OR1J2: variants seen among roughly 807,000 people sequenced by gnomAD.
OR1J2 encodes olfactory receptor 1J2.
For missense variants in OR1J2, 304 were observed against 246.1 expected (o/e 1.24, Z -1.57); for synonymous variants, 142 against 99.7 (o/e 1.42, Z -2.52).
At chr9:122,568,234 T>C in the OR1J2 span, 4 of 1,614,018 alleles carry the variant, frequency 2.5e-6, no homozygotes. Flanking sequence ...TTCATCAGCA[T>C]CTTGGGGACA....
the OR1J2 span, among the ~76,000 whole-genome samples, chr9:122,493,462 C>G: frequency 6.6e-6 from 1 of 152,042 alleles, no homozygotes; most frequent in Non-Finnish European, 1.5e-5. Flanking sequence ...ATTTGTTCAT[C>G]TCCTAGGTTT....
the OR1J2 span, among the ~76,000 whole-genome samples, chr9:122,478,983 C>T: frequency 6.6e-6 from 1 of 152,250 alleles, no homozygotes; most frequent in Non-Finnish European, 1.5e-5. Context: ...CCGCCTCAGC[C>T]TCCCAGAGTG....
chr9:122,451,466 T>C, the OR1J2 span, among the ~76,000 whole-genome samples: 1,457 of 152,262 alleles, frequency 9.6e-3, 11 homozygotes, highest in Non-Finnish European at 0.015. Context: ...ATTACAGGCG[T>C]GAGCCACCAT....
the OR1J2 span, among the ~76,000 whole-genome samples, chr9:122,562,802 A>T: frequency 6.6e-6 from 1 of 152,098 alleles, no homozygotes; most frequent in African/African-American, 2.4e-5. Flanking sequence ...TTTATTTAAC[A>T]TAATGTCGAC....
chr9:122,473,747 G>A, the OR1J2 span, among the ~76,000 whole-genome samples: 1 of 152,114 alleles, frequency 6.6e-6, no homozygotes, highest in African/African-American at 2.4e-5. Flanking sequence ...TGAGTTACCA[G>A]GTGGGCATGG....
chr9:122,536,287 A>G, the OR1J2 span, among the ~76,000 whole-genome samples: 1 of 152,190 alleles, frequency 6.6e-6, no homozygotes, highest in Non-Finnish European at 1.5e-5. Context: ...AAAAACTCAC[A>G]AGCTGCCAAT....
At chr9:122,514,035 A>G (rs1158461594), downstream of OR1J2, among the ~76,000 whole-genome samples, 1 of 152,256 alleles carries the variant, frequency 6.6e-6, no homozygotes, top group African/African-American at 2.4e-5. Flanking sequence ...CATGGTGACA[A>G]TAAATTATCA....
chr9:122,475,929 C>CA, the OR1J2 span: 1 of 152,358 alleles, frequency 6.6e-6, no homozygotes, highest in Non-Finnish European at 1.5e-5. Context: ...GTCTTTGCTA[C>CA]ACTGAGTCAC....
chr9:122,568,082 G>A, the OR1J2 span: 1 of 1,614,086 alleles, frequency 6.2e-7, no homozygotes, highest in Non-Finnish European at 8.5e-7. Context: ...TGGTGACATA[G>A]TGGAAAGGGT....
At chr9:122,477,242 G>T in the OR1J2 span, 9 of 1,614,098 alleles carry the variant, frequency 5.6e-6, no homozygotes, top group Non-Finnish European at 6.8e-6. Context: ...TTGGTAGAGG[G>T]AATCTGGAGG....
chr9:122,554,183 G>A, the OR1J2 span: 2 of 1,567,624 alleles, frequency 1.3e-6, no homozygotes, highest in Middle Eastern at 1.7e-4. Flanking sequence ...AGACGGTGAT[G>A]TCTAATCTTG....
At chr9:122,466,839 A>G in the OR1J2 span, among the ~76,000 whole-genome samples, 2 of 150,404 alleles carry the variant, frequency 1.3e-5, no homozygotes, top group Non-Finnish European at 3.0e-5. Context: ...TTGGCGGGGG[A>G]CAGAGTTTCT....
At chr9:122,521,961 A>C in the OR1J2 span, among the ~76,000 whole-genome samples, 1 of 152,210 alleles carries the variant, frequency 6.6e-6, no homozygotes, top group African/African-American at 2.4e-5. Context: ...TTTCATCACT[A>C]TCTGTCTTAC....
chr9:122,516,159 T>G (rs1828697621), downstream of OR1J2, among the ~76,000 whole-genome samples: 1 of 152,154 alleles, frequency 6.6e-6, no homozygotes, highest in Non-Finnish European at 1.5e-5. Context: ...GAATCCCTTC[T>G]GTCTGACTTC....
chr9:122,563,221 C>T, the OR1J2 span, among the ~76,000 whole-genome samples: 4 of 151,110 alleles, frequency 2.6e-5, no homozygotes, highest in African/African-American at 9.7e-5. Context: ...GCCATTCTAA[C>T]TGGGATGAGG....
downstream of OR1J2, among the ~76,000 whole-genome samples, chr9:122,512,546 CAA>C (rs1828652987): frequency 6.6e-6 from 1 of 152,144 alleles, no homozygotes; most frequent in South Asian, 2.1e-4. Flanking sequence ...TGGGATGAAA[CAA>C]GAGACACCTT....
chr9:122,519,422 T>C, the OR1J2 span: 3 of 1,614,244 alleles, frequency 1.9e-6, no homozygotes, highest in Non-Finnish European at 1.7e-6. Flanking sequence ...CCATTCTTTA[T>C]GCAGGGTGTG....
At chr9:122,498,068 T>A in the OR1J2 span, among the ~76,000 whole-genome samples, 1 of 152,046 alleles carries the variant, frequency 6.6e-6, no homozygotes, top group Non-Finnish European at 1.5e-5. Flanking sequence ...GGGTTTTTTT[T>A]TTTTTATTAT....
At chr9:122,513,531 T>G (rs1349996744), downstream of OR1J2, among the ~76,000 whole-genome samples, 1 of 151,940 alleles carries the variant, frequency 6.6e-6, no homozygotes, top group Non-Finnish European at 1.5e-5. Flanking sequence ...CAAGCATTTT[T>G]TTTTTTTATT....
Sources: allele counts gnomAD v4.1 joint callset (sites outside exome capture counted in the v4.1 genomes callset), GRCh38; gene constraint gnomAD v4.1.1; transcripts MANE v1.5; gene names NCBI Gene and HGNC (gene_info 2026-07-23, HGNC 2026-07-21).